Variants in SIPA1L3 observed in about 807,000 individuals in gnomAD.
The protein encoded by SIPA1L3 is signal-induced proliferation-associated 1-like protein 3.
A neutral mutation model predicts 150.1 loss-of-function variants in SIPA1L3; 59 were observed. The observed-to-expected ratio is 0.39, with a 90% CI of 0.32 to 0.49. SIPA1L3 has a LOEUF of 0.49. Among genes scored for constraint, SIPA1L3 ranks in the 20% least tolerant of loss-of-function variants. SIPA1L3 has a pLI of 0.86. For missense variants in SIPA1L3, 2,211 were observed against 2,489.5 expected, an observed-to-expected ratio of 0.89 and a Z score of 2.38; for synonymous variants, 1,070 against 1,077.6, an observed-to-expected ratio of 0.99 and a Z score of 0.14.
In SIPA1L3 at chr19:38,082,963, C is replaced by T. The variant is rs1182026407; in HGVS notation, c.1398C>T (p.Ala466=). ...EGHLAEPALS[A]YRTNASISVL... is the part of the protein sequence containing the mutation. Reference sequence around the variant, plus strand: ...ACCTGGCAGAGCCCGCCCTGAGCGCCTACCGCACCAACGCCAGCATCTCGG... The same window carrying T: ...ACCTGGCAGAGCCCGCCCTGAGCGCTTACCGCACCAACGCCAGCATCTCGG... The change falls in exon 3 of 22, where the codon GCC becomes GCT. Residue 466 remains alanine, a synonymous_variant. Coordinates refer to ENST00000222345, the MANE Select transcript of SIPA1L3 (RefSeq NM_015073.3). The T allele has an allele frequency of 6.2e-7, 1 of 1,613,070 alleles. No homozygotes were observed.
At chr19:38,154,564 C>T (rs1971899380) in intron 13 of SIPA1L3, among the ~76,000 whole-genome samples, 1 of 152,140 alleles carries the variant, frequency 6.6e-6, no homozygotes, top group South Asian at 2.1e-4. Context: ...TCTCCTGCTT[C>T]AGCCTCTCAA....
chr19:37,949,018 A>G (rs2046738041), intron 1 of SIPA1L3, among the ~76,000 whole-genome samples: 1 of 152,120 alleles, frequency 6.6e-6, no homozygotes, highest in African/African-American at 2.4e-5. Context: ...AGCCAGGTGG[A>G]CCTTAGGTTC....
chr19:37,981,352 A>C (rs1195120382), intron 1 of SIPA1L3, among the ~76,000 whole-genome samples: 2 of 149,906 alleles, frequency 1.3e-5, no homozygotes, highest in Admixed American at 1.4e-4. Flanking sequence ...TGAACCCAGG[A>C]GGTCAAGGCT....
chr19:37,954,506 A>G (rs924033772), intron 1 of SIPA1L3, among the ~76,000 whole-genome samples: 1 of 152,202 alleles, frequency 6.6e-6, no homozygotes, highest in Non-Finnish European at 1.5e-5. Flanking sequence ...GGAAGGAGAC[A>G]GGCTGGTTTG....
At chr19:38,074,057 T>G (rs536181078) in intron 2 of SIPA1L3, among the ~76,000 whole-genome samples, 8 of 152,350 alleles carry the variant, frequency 5.3e-5, no homozygotes, top group African/African-American at 1.9e-4. Context: ...GCCTATGCTG[T>G]GCTTCTCTCA....
chr19:38,121,695 T>C (rs926538965), intron 9 of SIPA1L3, among the ~76,000 whole-genome samples: 4 of 151,220 alleles, frequency 2.6e-5, no homozygotes, highest in Non-Finnish European at 4.4e-5. Context: ...GCCGAGACCC[T>C]GCCACTGCAC....
intron 2 of SIPA1L3, among the ~76,000 whole-genome samples, chr19:38,037,337 G>T (rs1440219632): frequency 6.6e-6 from 1 of 152,208 alleles, no homozygotes; most frequent in Non-Finnish European, 1.5e-5. Context: ...TTCCCCCAGT[G>T]GGGGCGAGGA....
chr19:37,988,340 C>A (rs1204457118), intron 1 of SIPA1L3, among the ~76,000 whole-genome samples: 1 of 151,864 alleles, frequency 6.6e-6, no homozygotes, highest in Non-Finnish European at 1.5e-5. Context: ...GCAACATAGA[C>A]CCTGTCTCTA....
intron 13 of SIPA1L3, among the ~76,000 whole-genome samples, chr19:38,158,927 G>A (rs1972011837): frequency 6.6e-6 from 1 of 152,212 alleles, no homozygotes. Flanking sequence ...AGGGGCAGAG[G>A]TCAGCCCAGA....
At chr19:38,179,580 T>TATATA in intron 15 of SIPA1L3, among the ~76,000 whole-genome samples, 1 of 152,194 alleles carries the variant, frequency 6.6e-6, no homozygotes, top group South Asian at 2.1e-4. Flanking sequence ...AATATAAAAC[T>TATATA]TTTCTCCAAT....
At chr19:37,999,011 A>T in intron 1 of SIPA1L3, among the ~76,000 whole-genome samples, 1 of 144,464 alleles carries the variant, frequency 6.9e-6, no homozygotes, top group East Asian at 2.0e-4. Flanking sequence ...ACACACACAC[A>T]CCCACACACA....
At position 38,081,404 on chromosome 19, in the gene SIPA1L3, G is replaced by A; in HGVS notation, c.-162G>A. On this transcript the variant is annotated 5_prime_UTR_variant, in exon 3 of 22. Coordinates refer to ENST00000222345, the MANE Select transcript of SIPA1L3 (RefSeq NM_015073.3). ...TGGCTCAGCTGTGCACAGCGATGGT[G>A]GAGAACTGGACTCCACAGGCTCACA... 1 of 652,900 alleles carries A rather than the reference G, an allele frequency of 1.5e-6. No individual in the cohort carries two copies. The highest frequency in any genetic ancestry group is 3.0e-5 in the Admixed American group (1 of 33,678). 40.4% of individuals were successfully genotyped at this position (652,900 alleles called of 1,614,324 possible).
intron 20 of SIPA1L3, chr19:38,203,815 C>T (rs1364406496): frequency 9.2e-6 from 3 of 327,380 alleles, no homozygotes; most frequent in Admixed American, 4.6e-5. Flanking sequence ...CCTGGAGGTA[C>T]GAAGAAGGGG....
intron 20 of SIPA1L3, among the ~76,000 whole-genome samples, chr19:38,202,214 C>T (rs1973103378): frequency 6.6e-6 from 1 of 152,232 alleles, no homozygotes; most frequent in Admixed American, 6.5e-5. Context: ...AGACTCTGCC[C>T]AGTCCCAACA....
At chr19:37,937,220 G>A (rs187059380) in intron 1 of SIPA1L3, among the ~76,000 whole-genome samples, 8 of 152,152 alleles carry the variant, frequency 5.3e-5, no homozygotes, top group East Asian at 1.9e-4. Context: ...ATCATAATGC[G>A]TGGTGCATGA....
chr19:38,169,175 G>A (rs1972272444), intron 15 of SIPA1L3, among the ~76,000 whole-genome samples: 2 of 152,132 alleles, frequency 1.3e-5, no homozygotes, highest in African/African-American at 4.8e-5. Context: ...GATCACTTGA[G>A]GCCAGGAGTT....
chr19:38,108,602 T>C (rs1970671502), intron 7 of SIPA1L3: 1 of 152,248 alleles, frequency 6.6e-6, no homozygotes, highest in Non-Finnish European at 1.5e-5. Flanking sequence ...CTGTGAGCCA[T>C]GTCACTTAGA....
Position 38,100,082 on chromosome 19 carries a change from C to G in SIPA1L3, c.1786C>G (p.His596Asp), listed in dbSNP as rs1164814592. ...LEYVIPELNI[H>D]CLRLALNTPK... ...GTATGTCATCCCCGAGCTCAACATC[C>G]ACTGCCTGCGGCTGGCCCTCAACAC... is the stretch of plus-strand genomic sequence containing the variant. The change falls in exon 5 of 22, where the codon CAC becomes GAC. Residue 596 changes from histidine to aspartate, a missense_variant. His to Asp is a moderately conservative substitution (Grantham distance 81, BLOSUM62 -1). Transcript: ENST00000222345. 12 of 1,612,202 alleles carry G rather than the reference C, an allele frequency of 7.4e-6. No homozygotes were observed. The South Asian group carries it at 1.3e-4, about 18-fold the overall frequency.
At chr19:38,049,222 A>G (rs142905841) in intron 2 of SIPA1L3, among the ~76,000 whole-genome samples, 8 of 152,078 alleles carry the variant, frequency 5.3e-5, no homozygotes, top group Non-Finnish European at 1.0e-4. Context: ...TTCATCCTCT[A>G]TAGGTCCTTT....
Sources: gnomAD v4.1 joint callset for allele counts (sites outside exome capture counted in the v4.1 genomes callset) on GRCh38, gnomAD v4.1.1 for gene constraint, MANE v1.5 for transcripts, NCBI Gene and HGNC (gene_info 2026-07-23, HGNC 2026-07-21) for gene names.